The following CFHR5 variants were observed in gnomAD, a reference collection of about 807,000 sequenced individuals.
CFHR5 encodes the protein complement factor H-related protein 5.
CFHR5 carries 73 observed loss-of-function variants against 62.9 expected under a neutral mutation model. The observed-to-expected ratio is 1.16, with a 90% confidence interval of 0.96 to 1.41. The LOEUF (loss-of-function observed/expected upper bound fraction) is 1.41. CFHR5 is among the 40% of genes most tolerant of loss of function. The pLI is 0.00. For synonymous variants in CFHR5, 249 were observed against 227.2 expected (o/e 1.10, Z -0.86); for missense variants, 779 against 679.9 (o/e 1.15, Z -1.62).
chr1:196,990,177 G>T (rs930287558), intron 3 of CFHR5, among the ~76,000 whole-genome samples: 2 of 151,804 alleles, frequency 1.3e-5, no homozygotes, highest in Non-Finnish European at 2.9e-5. Flanking sequence ...TTTATCAGAG[G>T]CTAGGATTAC....
At chr1:197,004,136 T>C (rs1384625293) in intron 8 of CFHR5, among the ~76,000 whole-genome samples, 2 of 152,166 alleles carry the variant, frequency 1.3e-5, no homozygotes, top group African/African-American at 4.8e-5. Context: ...GTTACTTTTT[T>C]TAGTTTTCCC....
At chr1:197,001,119 A>C (rs1654142537) in intron 7 of CFHR5, among the ~76,000 whole-genome samples, 1 of 152,188 alleles carries the variant, frequency 6.6e-6, no homozygotes, top group African/African-American at 2.4e-5. Flanking sequence ...CTAGAATAAG[A>C]TGCATCTGGA....
chr1:196,995,926 G>A, intron 5 of CFHR5, 27 bp downstream of exon 5: 1 of 1,599,644 alleles, frequency 6.3e-7, no homozygotes, highest in Non-Finnish European at 8.6e-7. Flanking sequence ...ATTTAAACAG[G>A]ACAGTTACTA....
intron 3 of CFHR5, among the ~76,000 whole-genome samples, chr1:196,986,882 C>T (rs1653697189): frequency 6.6e-6 from 1 of 151,992 alleles, no homozygotes; most frequent in African/African-American, 2.4e-5. Context: ...GGGTATATAC[C>T]CAGTAATGAG....
chr1:196,982,335 A>G (rs527378251), intron 1 of CFHR5, among the ~76,000 whole-genome samples: 1 of 152,294 alleles, frequency 6.6e-6, no homozygotes, highest in Non-Finnish European at 1.5e-5. Context: ...AGAAGAGTTC[A>G]TATTTCATAT....
intron 2 of CFHR5, among the ~76,000 whole-genome samples, chr1:196,983,594 A>G (rs1248687184): frequency 2.0e-5 from 3 of 152,170 alleles, no homozygotes; most frequent in African/African-American, 7.2e-5. Context: ...AAGAAAAACA[A>G]TGGGAGAGAG....
upstream of CFHR5, among the ~76,000 whole-genome samples, chr1:196,976,769 T>A (rs1369399292): frequency 2.0e-5 from 3 of 151,832 alleles, no homozygotes; most frequent in East Asian, 5.8e-4. Context: ...CTTCAAACAT[T>A]TCAGGAAACG....
chr1:196,981,293 A>G (rs991370135), intron 1 of CFHR5, among the ~76,000 whole-genome samples: 3 of 152,126 alleles, frequency 2.0e-5, no homozygotes, highest in African/African-American at 7.2e-5. Context: ...TTCAAAGATA[A>G]AGTACATCAA....
chr1:197,002,426 G>A, intron 7 of CFHR5, 56 bp from the exon 8 acceptor site: 2 of 1,326,278 alleles, frequency 1.5e-6, no homozygotes, highest in Non-Finnish European at 2.1e-6. Context: ...CTACCCTATT[G>A]AGCTGTTTTT....
intron 3 of CFHR5, among the ~76,000 whole-genome samples, chr1:196,990,838 A>C (rs139830560): frequency 1.3e-5 from 2 of 152,106 alleles, no homozygotes; most frequent in South Asian, 4.2e-4. Context: ...TGAATCTGAC[A>C]ATTATGTGTC....
intron 7 of CFHR5, among the ~76,000 whole-genome samples, chr1:196,999,592 G>A (rs964947784): frequency 6.7e-6 from 1 of 148,980 alleles, no homozygotes; most frequent in African/African-American, 2.5e-5. Context: ...ATAATTACAA[G>A]GATACGTAGT....
chr1:196,999,156 G>A (rs1271938554), intron 7 of CFHR5, among the ~76,000 whole-genome samples: 3 of 151,874 alleles, frequency 2.0e-5, no homozygotes. Flanking sequence ...AAAGTGTGAT[G>A]TCATTAGAAA....
chr1:196,979,016 A>C (rs1325279068), intron 1 of CFHR5, among the ~76,000 whole-genome samples: 2 of 152,156 alleles, frequency 1.3e-5, no homozygotes, highest in African/African-American at 2.4e-5. Context: ...GTGTCTATTT[A>C]GAAACTGGCC....
Position 197,002,593 on chromosome 1 carries a change from A to G in CFHR5, c.1259A>G (p.Asn420Ser). Residue 420 changes from asparagine to serine, a missense_variant, in exon 8 of 10, where the codon AAC becomes AGC. Physicochemically the swap from Asn to Ser is conservative, Grantham distance 46. Coordinates refer to ENST00000256785, the MANE Select transcript of CFHR5 (RefSeq NM_030787.4). ...GEKVAVLCKE[N>S]YLLPEAKEIV... ...AAAGTAGCTGTTCTCTGTAAAGAAA[A>G]CTATCTACTTCCAGAAGCAAAAGAA... 6.2e-7 allele frequency: 1 copy of G among 1,613,518 alleles called. No homozygotes were observed. Among genetic ancestry groups the G allele is most frequent in the Non-Finnish European group, 8.5e-7 (1 of 1,179,610 alleles).
chr1:197,003,606 C>A (rs1235612995), intron 8 of CFHR5, among the ~76,000 whole-genome samples: 1 of 152,126 alleles, frequency 6.6e-6, no homozygotes, highest in African/African-American at 2.4e-5. Context: ...GATAATTGAA[C>A]AATCTATTTA....
At chr1:196,995,088 T>C (rs995722611) in intron 4 of CFHR5, among the ~76,000 whole-genome samples, 1 of 152,154 alleles carries the variant, frequency 6.6e-6, no homozygotes, top group East Asian at 1.9e-4. Context: ...TAGATATTAA[T>C]AAAAGTTATA....
At chr1:196,990,176 G>A (rs1198687374) in intron 3 of CFHR5, among the ~76,000 whole-genome samples, 2 of 151,966 alleles carry the variant, frequency 1.3e-5, no homozygotes, top group African/African-American at 2.4e-5. Flanking sequence ...TTTTATCAGA[G>A]GCTAGGATTA....
chr1:196,992,441 C>T (rs941059337), intron 3 of CFHR5, among the ~76,000 whole-genome samples: 7 of 152,114 alleles, frequency 4.6e-5, no homozygotes, highest in African/African-American at 1.7e-4. Context: ...CAGGGCCTCC[C>T]TTGGCTAGGA....
intron 3 of CFHR5, among the ~76,000 whole-genome samples, chr1:196,985,354 A>G (rs1021554819): frequency 1.3e-5 from 2 of 152,178 alleles, no homozygotes; most frequent in Non-Finnish European, 2.9e-5. Context: ...AGAAAAACAA[A>G]ACAAAGTAAA....
Sources: gnomAD v4.1 joint callset for allele counts (sites outside exome capture counted in the v4.1 genomes callset) on GRCh38, gnomAD v4.1.1 for gene constraint, MANE v1.5 for transcripts, NCBI Gene and HGNC (gene_info 2026-07-23, HGNC 2026-07-21) for gene names.